GOLGA4: variants seen among roughly 807,000 people sequenced by gnomAD.
GOLGA4 encodes golgin subfamily A member 4.
GOLGA4 carries 169 observed loss-of-function variants against 265.9 expected under a neutral mutation model. That is an observed-to-expected ratio of 0.64 (90% CI 0.56 to 0.72). GOLGA4 has a LOEUF of 0.72. Ranked by LOEUF, GOLGA4 falls within the 30% of genes least tolerant of loss-of-function variation. GOLGA4 has a pLI of 0.00. For synonymous variants in GOLGA4, 923 were observed against 855.8 expected, an observed-to-expected ratio of 1.08 and a Z score of -1.37; for missense variants, 2,482 against 2,483.4, an observed-to-expected ratio of 1.00 and a Z score of 0.01.
intron 11 of GOLGA4, among the ~76,000 whole-genome samples, chr3:37,316,655 A>G (rs1474599943): frequency 6.6e-6 from 1 of 152,230 alleles, no homozygotes; most frequent in Non-Finnish European, 1.5e-5. Context: ...TTATTTTGAA[A>G]GGTGATAATA....
At chr3:37,345,984 T>C (rs527854271) in intron 20 of GOLGA4, among the ~76,000 whole-genome samples, 1 of 152,094 alleles carries the variant, frequency 6.6e-6, no homozygotes, top group African/African-American at 2.4e-5. Flanking sequence ...TTAATAAAAT[T>C]GCTTATTTTC....
chr3:37,292,353 T>C (rs1449221730), intron 5 of GOLGA4, among the ~76,000 whole-genome samples: 1 of 152,164 alleles, frequency 6.6e-6, no homozygotes, highest in East Asian at 1.9e-4. Context: ...ACATCAGGAA[T>C]AAGTACCCAG....
intron 3 of GOLGA4, among the ~76,000 whole-genome samples, chr3:37,285,308 A>G (rs1397834034): frequency 6.6e-6 from 1 of 152,124 alleles, no homozygotes; most frequent in Non-Finnish European, 1.5e-5. Context: ...GTCCTAGATG[A>G]GTAATGTTAT....
intron 10 of GOLGA4, among the ~76,000 whole-genome samples, chr3:37,303,240 ATGT>A (rs1191916930): frequency 1.3e-5 from 2 of 152,230 alleles, no homozygotes; most frequent in Non-Finnish European, 1.5e-5. Context: ...GGAAGGCATA[ATGT>A]GATGGGAGCT....
chr3:37,284,051 G>C (rs1578493258), intron 3 of GOLGA4, among the ~76,000 whole-genome samples: 1 of 152,008 alleles, frequency 6.6e-6, no homozygotes, highest in Non-Finnish European at 1.5e-5. Context: ...CAGCTTATCG[G>C]GATCAAAAGA....
intron 10 of GOLGA4, among the ~76,000 whole-genome samples, chr3:37,310,455 A>G (rs758440907): frequency 1.6e-4 from 24 of 152,214 alleles, no homozygotes; most frequent in Non-Finnish European, 2.5e-4. Flanking sequence ...AATACCTAGC[A>G]TATGCTTGGC....
rs9682748 is a variant in GOLGA4 at position 37,257,997 on chromosome 3, G to A, written c.162+6513G>A. Among the ~76,000 whole-genome samples, 218 of 71,268 alleles carry A rather than the reference G, an allele frequency of 3.1e-3. 17 individuals carry two copies. The highest frequency in any genetic ancestry group is 0.016 in the African/African-American group (193 of 12,006). The allele number at this position is 71,268 out of a possible 152,430, so 46.8% of individuals were successfully genotyped here. On this transcript the variant is annotated intron_variant, in intron 2 of 23. Transcript: ENST00000361924. ...TACATATATATATGTATGTATATAT[G>A]TATATATACATACATATATATATGT...
rs747273394 is a variant in GOLGA4 at position 37,282,080 on chromosome 3, A to C, written c.285A>C (p.Arg95=). ...CTTCTTCTAAAGAGTCTTTGGTACG[A>C]ACATCTTCCAGAGAATCCCTGAATC... ...FRSSSKESLV[R]TSSRESLNRL... is the part of the protein sequence containing the mutation. Residue 95 remains arginine (R), a synonymous_variant, in exon 3 of 24, where the codon CGA becomes CGC. Coordinates refer to ENST00000361924, the MANE Select transcript of GOLGA4 (RefSeq NM_002078.5). 6.2e-7 allele frequency: 1 copy of C among 1,614,160 alleles called. No homozygotes were observed. Among genetic ancestry groups the C allele is most frequent in the Admixed American group, 1.7e-5 (1 of 60,026 alleles).
chr3:37,269,615 G>A (rs1489748858), intron 2 of GOLGA4, among the ~76,000 whole-genome samples: 2 of 152,046 alleles, frequency 1.3e-5, no homozygotes, highest in Admixed American at 1.3e-4. Context: ...CACATACAGA[G>A]CTTCACAAAA....
At chr3:37,364,028 A>G (rs1411914360) in intron 23 of GOLGA4, among the ~76,000 whole-genome samples, 1 of 152,206 alleles carries the variant, frequency 6.6e-6, no homozygotes, top group Non-Finnish European at 1.5e-5. Flanking sequence ...CAACATGATT[A>G]TTGAACTAGT....
chr3:37,314,682 CGAA>C, intron 10 of GOLGA4, among the ~76,000 whole-genome samples: 1 of 142,558 alleles, frequency 7.0e-6, no homozygotes, highest in Non-Finnish European at 1.6e-5. Flanking sequence ...CACACACACA[CGAA>C]AAAAACCTTA....
chr3:37,243,574 G>A lies in GOLGA4; in HGVS notation c.24G>A (p.Lys8=). 6.2e-7 allele frequency: 1 copy of A among 1,614,086 alleles called. No homozygotes were observed. The highest frequency in any genetic ancestry group is 8.5e-7 in the Non-Finnish European group (1 of 1,180,010). MFKKLKQ[K]ISEEQQQLQQ... ...CCATGTTCAAGAAACTGAAGCAAAA[G>A]ATCAGCGAGGAGCAGCAGCAGCTCC... The change falls in exon 1 of 24, where the codon AAG becomes AAA. Residue 8 remains lysine, a synonymous_variant. Coordinates refer to ENST00000361924, the MANE Select transcript of GOLGA4 (RefSeq NM_002078.5).
Position 37,327,810 on chromosome 3 carries a change from G to A in GOLGA4, c.5924G>A (p.Arg1975Lys). 6.3e-7 allele frequency: 1 copy of A among 1,597,424 alleles called. No individual in the cohort carries two copies. The highest frequency in any genetic ancestry group is 8.5e-7 in the Non-Finnish European group (1 of 1,170,562). ...EILKKEYDQE[R>K]EEKIKQEQED... ...CTAAAGAAAGAATATGATCAAGAAA[G>A]GGAAGAGAAAATCAAGTAAGTTTTA... Residue 1975 changes from arginine (R) to lysine (K), a missense_variant, in exon 14 of 24, where the codon AGG (arginine) becomes AAG (lysine). Physicochemically the swap from Arg to Lys is conservative, Grantham distance 26 (BLOSUM62 2). This residue lies in a region of GOLGA4 where 942 missense variants were observed against 983.1 expected (regional missense o/e 0.96). Coordinates refer to ENST00000361924, the MANE Select transcript of GOLGA4 (RefSeq NM_002078.5).
Position 37,324,160 on chromosome 3 carries a change from TAATC to T in GOLGA4, c.2277_2280del (p.Gln760LeufsTer5), listed in dbSNP as rs752100794. The T allele has an allele frequency of 1.2e-6, 2 of 1,613,932 alleles. No individual in the cohort carries two copies. Among genetic ancestry groups the T allele is most frequent in the Admixed American group, 1.7e-5 (1 of 59,982 alleles). ...CTGAGAAGGCATTAAAAGATCAAAT[TAATC>T]AACTTGAGCTTCTCTTGAAGGAAAG... On this transcript the variant is annotated frameshift_variant, in exon 14 of 24. Transcript: ENST00000361924. LOFTEE classifies it high-confidence loss of function.
chr3:37,299,323 T>G lies in GOLGA4; in HGVS notation c.1038T>G (p.Thr346=). ...TGGCCGAGAAGACTAAACTTATCAC[T>G]CAGTTGCGTGATGCAAAGAACTTAA... The part of the protein sequence containing the change: ...LHMAEKTKLI[T]QLRDAKNLIE... Residue 346 remains threonine, a synonymous_variant, in exon 9 of 24, where the codon ACT becomes ACG. Transcript: ENST00000361924. 6.2e-7 allele frequency: 1 copy of G among 1,613,094 alleles called. No individual in the cohort carries two copies. Among genetic ancestry groups the G allele is most frequent in the Non-Finnish European group, 8.5e-7 (1 of 1,179,136 alleles).
chr3:37,347,403 C>T, intron 21 of GOLGA4, 107 bp downstream of exon 21: 2 of 631,350 alleles, frequency 3.2e-6, no homozygotes, highest in Non-Finnish European at 5.8e-6. Context: ...GCAAATCAGA[C>T]ATGCTAATAG....
intron 2 of GOLGA4, among the ~76,000 whole-genome samples, chr3:37,261,133 C>T (rs1001053584): frequency 6.6e-5 from 10 of 151,648 alleles, no homozygotes; most frequent in African/African-American, 1.2e-4. Flanking sequence ...ACTGCGCCAC[C>T]GCACTCCACC....
At chr3:37,259,382 T>A (rs1419338270) in intron 2 of GOLGA4, among the ~76,000 whole-genome samples, 1 of 152,190 alleles carries the variant, frequency 6.6e-6, no homozygotes, top group Admixed American at 6.5e-5. Flanking sequence ...AGCTCCTGAG[T>A]CTCAGGCAGT....
At chr3:37,255,749 GC>G (rs1367360142) in intron 2 of GOLGA4, among the ~76,000 whole-genome samples, 1 of 62,944 alleles carries the variant, frequency 1.6e-5, no homozygotes, top group Non-Finnish European at 2.9e-5. Flanking sequence ...TTAAAAAAAA[GC>G]ATTTTTTTTT....
Sources: allele counts gnomAD v4.1 joint callset (sites outside exome capture counted in the v4.1 genomes callset), GRCh38; gene constraint gnomAD v4.1.1; regional missense constraint gnomAD v4.1.1; transcripts MANE v1.5; gene names NCBI Gene and HGNC (gene_info 2026-07-23, HGNC 2026-07-21).